Variants in CFAP92 observed in about 807,000 individuals in gnomAD.
CFAP92 encodes the protein cilia and flagella associated protein 92 (putative).
Under a neutral mutation model 106.3 loss-of-function variants are expected in CFAP92, and 86 were observed. The ratio of observed to expected loss-of-function variants is 0.81; its 90% CI spans 0.68 to 0.97. The LOEUF is 0.97. Among genes scored for constraint, CFAP92 ranks in the 50% least tolerant of loss-of-function variants. The probability of loss-of-function intolerance (pLI) is 0.00; values close to 1 mark genes in which losing one functional copy is unlikely to be tolerated. For missense variants in CFAP92, 1,204 were observed against 1,283.8 expected (o/e 0.94, Z 0.95); for synonymous variants, 477 against 506.4 (o/e 0.94, Z 0.78).
chr3:128,916,398 G>A (rs944019973), intron 12 of CFAP92, 127 bp from the exon 13 acceptor site: 2 of 594,244 alleles, frequency 3.4e-6, no homozygotes, highest in Non-Finnish European at 4.9e-6. Context: ...TTCAATACTG[G>A]TGCTGTTATT....
intron 9 of CFAP92, 63 bp downstream of exon 9, chr3:128,965,448 T>G: frequency 2.5e-6 from 1 of 398,676 alleles, no homozygotes; most frequent in Non-Finnish European, 4.4e-6. Context: ...AGAGGTGGCA[T>G]GTGACGGGCA....
At chr3:128,935,499 G>T (rs1301505720) in intron 10 of CFAP92, among the ~76,000 whole-genome samples, 180 bp from the exon 11 acceptor site, 1 of 152,100 alleles carries the variant, frequency 6.6e-6, no homozygotes, top group Non-Finnish European at 1.5e-5. Context: ...ATCACATGAG[G>T]TCGGGAGTTC....
At chr3:128,982,033 G>A (rs1476860383) in intron 4 of CFAP92, among the ~76,000 whole-genome samples, 1 of 152,108 alleles carries the variant, frequency 6.6e-6, no homozygotes, top group South Asian at 2.1e-4. Context: ...ATGAGCATTG[G>A]CCTCTACTTT....
chr3:128,979,237 C>T (rs1428690844), intron 4 of CFAP92, among the ~76,000 whole-genome samples: 1 of 152,164 alleles, frequency 6.6e-6, no homozygotes, highest in East Asian at 1.9e-4. Context: ...AAGTCAAAAC[C>T]ACAATGAAAT....
At chr3:129,003,425 C>A, upstream of CFAP92, 1 of 378,200 alleles carries the variant, frequency 2.6e-6, no homozygotes, top group Non-Finnish European at 3.6e-6. Context: ...TGGGGGGAGT[C>A]TAGGAGATGA....
intron 4 of CFAP92, among the ~76,000 whole-genome samples, chr3:128,979,276 C>A (rs1228674397): frequency 3.3e-5 from 5 of 152,112 alleles, no homozygotes; most frequent in African/African-American, 1.2e-4. Flanking sequence ...GAATGGCGAT[C>A]ATTAAAAAGT....
chr3:128,938,229 C>T (rs890717642), intron 10 of CFAP92, among the ~76,000 whole-genome samples: 4 of 151,376 alleles, frequency 2.6e-5, no homozygotes, highest in African/African-American at 9.7e-5. Flanking sequence ...TAAACCCTGT[C>T]TCAATAAAAA....
chr3:129,014,066 C>T, the CFAP92 span, among the ~76,000 whole-genome samples: 1 of 152,222 alleles, frequency 6.6e-6, no homozygotes, highest in South Asian at 2.1e-4. The surrounding 1 kb of genome is among the most constrained non-coding windows in gnomAD (Gnocchi z 4.3). Flanking sequence ...TCTTCAGGCT[C>T]TTCATTTTGC....
chr3:129,013,752 T>G, the CFAP92 span, among the ~76,000 whole-genome samples: 1 of 152,182 alleles, frequency 6.6e-6, no homozygotes, highest in Non-Finnish European at 1.5e-5. Context: ...GGCTAAAACA[T>G]TCCCGCCATT....
intron 9 of CFAP92, 115 bp downstream of exon 9, chr3:128,965,396 T>C: frequency 2.5e-6 from 1 of 397,654 alleles, no homozygotes. Context: ...CGGACCCGTA[T>C]GAGAATGACC....
At chr3:128,933,100 G>C in intron 11 of CFAP92, 103 bp from the exon 12 acceptor site, 1 of 1,104,068 alleles carries the variant, frequency 9.1e-7, no homozygotes, top group Non-Finnish European at 1.3e-6. Flanking sequence ...AGGCTGCTTA[G>C]CTGGTCCCAA....
chr3:129,005,470 C>T (rs556840523), upstream of CFAP92, among the ~76,000 whole-genome samples: 2 of 152,370 alleles, frequency 1.3e-5, no homozygotes, highest in African/African-American at 4.8e-5. Flanking sequence ...GCAAGGATTT[C>T]AGTTTTTCCC....
At chr3:128,920,221 T>C (rs946839585) in intron 12 of CFAP92, among the ~76,000 whole-genome samples, 4 of 152,182 alleles carry the variant, frequency 2.6e-5, no homozygotes, top group African/African-American at 7.2e-5. Context: ...CTAACCAACA[T>C]GGTGAAACCC....
the CFAP92 span, among the ~76,000 whole-genome samples, chr3:129,023,806 C>G: frequency 5.3e-5 from 8 of 152,316 alleles, no homozygotes; most frequent in East Asian, 1.3e-3. Context: ...GTAGGGTCCA[C>G]CCCTCTCTGA....
In CFAP92 at chr3:128,991,912, T is replaced by G. The variant is rs147500761; in HGVS notation, c.262+1131A>C. 80 of 983,774 alleles carry G rather than the reference T, an allele frequency of 8.1e-5. 1 individual carries two copies. The East Asian group carries it at 3.4e-3, about 42-fold the overall frequency. The allele number at this position is 983,774 out of a possible 1,614,324, so 60.9% of individuals were successfully genotyped here. On this transcript the variant is annotated intron_variant, in intron 2 of 15. Coordinates refer to ENST00000645291, the MANE Select transcript of CFAP92 (RefSeq NM_001394090.1). ...GTACTACTTGTCTCCTCCCCTCATA[T>G]TGGGCTGGAACCATGTGACTTGGTT...
At chr3:128,950,301 T>C (rs1446963210) in intron 9 of CFAP92, among the ~76,000 whole-genome samples, 2 of 152,100 alleles carry the variant, frequency 1.3e-5, no homozygotes, top group African/African-American at 2.4e-5. Context: ...GATCACCCGA[T>C]GGTGAAGCTC....
chr3:128,969,770 G>A (rs114861265), intron 8 of CFAP92: 3 of 152,368 alleles, frequency 2.0e-5, no homozygotes, highest in African/African-American at 7.2e-5. Context: ...AGCTAGCAAA[G>A]GCGTTCGCTC....
intron 9 of CFAP92, among the ~76,000 whole-genome samples, chr3:128,965,136 T>C (rs1352767126): frequency 6.6e-6 from 1 of 152,126 alleles, no homozygotes; most frequent in African/African-American, 2.4e-5. Context: ...TACTTTGTAA[T>C]CTCCCCCACC....
chr3:128,926,722 T>C (rs958458306), intron 12 of CFAP92, among the ~76,000 whole-genome samples: 3 of 152,088 alleles, frequency 2.0e-5, no homozygotes, highest in East Asian at 1.9e-4. Flanking sequence ...CTGGCTCTAT[T>C]TGGAGTAGGG....
Sources: allele counts gnomAD v4.1 joint callset (sites outside exome capture counted in the v4.1 genomes callset), GRCh38; gene constraint gnomAD v4.1.1; non-coding constraint Gnocchi (gnomAD v3.1); transcripts MANE v1.5; gene names NCBI Gene and HGNC (gene_info 2026-07-23, HGNC 2026-07-21).